The following CELA1 variants were observed in gnomAD, a reference collection of about 807,000 sequenced individuals.
CELA1 encodes the protein chymotrypsin-like elastase family member 1.
A neutral mutation model predicts 34.8 loss-of-function variants in CELA1; 28 were observed. The ratio of observed to expected loss-of-function variants is 0.80; its 90% CI spans 0.60 to 1.10. The LOEUF is 1.10. Among genes scored for constraint, CELA1 ranks in the 50% least tolerant of loss-of-function variants. CELA1 has a pLI of 0.00. For missense variants in CELA1, 288 were observed against 327.5 expected, an observed-to-expected ratio of 0.88 and a Z score of 0.93; for synonymous variants, 140 against 129.8, an observed-to-expected ratio of 1.08 and a Z score of -0.53.
chr12:51,343,102 T>A (rs1242870390), intron 3 of CELA1, among the ~76,000 whole-genome samples: 3 of 152,212 alleles, frequency 2.0e-5, no homozygotes, highest in Non-Finnish European at 4.4e-5. Context: ...TTTCTCGGTT[T>A]AACATCATAG....
chr12:51,338,255 TAC>T (rs758082342), intron 6 of CELA1, among the ~76,000 whole-genome samples: 1,762 of 116,842 alleles, frequency 0.015, 48 homozygotes, highest in African/African-American at 0.054. Context: ...AAAAAAAACA[TAC>T]ACACACACAC....
intron 6 of CELA1, among the ~76,000 whole-genome samples, chr12:51,334,416 C>T (rs892587489): frequency 2.0e-5 from 3 of 152,112 alleles, no homozygotes; most frequent in Admixed American, 1.3e-4. Flanking sequence ...TGTACTCATA[C>T]ACACAAAAAA....
intron 6 of CELA1, among the ~76,000 whole-genome samples, chr12:51,335,344 C>T (rs1376165680): frequency 1.3e-5 from 2 of 150,644 alleles, no homozygotes; most frequent in Non-Finnish European, 3.0e-5. Context: ...GCAACCTCTG[C>T]CTCCTAGGTT....
At chr12:51,335,580 C>T (rs1946495897) in intron 6 of CELA1, among the ~76,000 whole-genome samples, 1 of 151,780 alleles carries the variant, frequency 6.6e-6, no homozygotes, top group African/African-American at 2.4e-5. Context: ...AAGATCCACT[C>T]CCTCCATGAC....
Position 51,342,605 on chromosome 12 carries a change from G to A in CELA1, c.296C>T (p.Pro99Leu). ...YVSVQKIVVHPYWNSDNVAAG... is the reference protein window; with the variant it reads ...YVSVQKIVVHLYWNSDNVAAG... ...AGCCACGTTATCGCTGTTCCAGTAT[G>A]GATGCACCACGATCTTCTGCACACT... The change falls in exon 4 of 8, where the codon CCA becomes CTA. Residue 99 changes from proline (P) to leucine (L), a missense_variant. By Grantham distance (98) the Pro-to-Leu change is moderately conservative (BLOSUM62 -3). Coordinates refer to ENST00000293636, the MANE Select transcript of CELA1 (RefSeq NM_001971.6). 1 of 1,614,148 alleles carries A rather than the reference G, an allele frequency of 6.2e-7. No individual in the cohort carries two copies. Among genetic ancestry groups the A allele is most frequent in the Non-Finnish European group, 8.5e-7 (1 of 1,180,012 alleles).
chr12:51,345,462 C>T (rs754962051), intron 2 of CELA1, among the ~76,000 whole-genome samples: 6 of 152,258 alleles, frequency 3.9e-5, no homozygotes, highest in South Asian at 2.1e-4. Context: ...GAGTGGTGTG[C>T]GTGTGAGTTT....
intron 2 of CELA1, among the ~76,000 whole-genome samples, chr12:51,344,297 G>A (rs1213751309): frequency 6.6e-6 from 1 of 152,188 alleles, no homozygotes; most frequent in Non-Finnish European, 1.5e-5. Flanking sequence ...AGGAGTAAAG[G>A]CACACAGTGT....
In CELA1 at chr12:51,342,709, A is replaced by G; in HGVS notation, c.201-9T>C. 6.2e-7 allele frequency: 1 copy of G among 1,614,024 alleles called. No homozygotes were observed. The highest frequency in any genetic ancestry group is 8.5e-7 in the Non-Finnish European group (1 of 1,179,924). ...CGCGGAAAGTCTTCTGGCTGGCGTG[A>G]GAGAAGGAATCCCTGAGTCATCCAG... On this transcript the variant is annotated splice_polypyrimidine_tract_variant and intron_variant, in intron 3 of 7. Transcript: ENST00000293636.
chr12:51,345,231 A>G (rs999248920), intron 2 of CELA1, among the ~76,000 whole-genome samples: 1 of 152,204 alleles, frequency 6.6e-6, no homozygotes, highest in African/African-American at 2.4e-5. Context: ...TGGGGCTCAG[A>G]CTTTTATAAG....
chr12:51,337,754 C>CA (rs1291653646), intron 6 of CELA1, among the ~76,000 whole-genome samples: 4 of 148,964 alleles, frequency 2.7e-5, no homozygotes, highest in African/African-American at 9.9e-5. Context: ...ACAAAAAATA[C>CA]AAAAAATTAG....
At chr12:51,333,409 T>TG (rs1424030304) in intron 6 of CELA1, among the ~76,000 whole-genome samples, 3 of 149,632 alleles carry the variant, frequency 2.0e-5, no homozygotes, top group Non-Finnish European at 4.5e-5. Context: ...TTTTTTGTTT[T>TG]TTTTTTTTTA....
intron 7 of CELA1, 81 bp downstream of exon 7, chr12:51,329,603 A>C: frequency 7.1e-7 from 1 of 1,415,416 alleles, no homozygotes; most frequent in Non-Finnish European, 9.5e-7. Flanking sequence ...TGCCCAGTCC[A>C]TCCAACGTTT....
At position 51,341,271 on chromosome 12, in the gene CELA1, A is replaced by G. The variant is rs750922733; in HGVS notation, c.436T>C (p.Tyr146His). The change falls in exon 5 of 8, where the codon TAC becomes CAC. Residue 146 changes from tyrosine (Y) to histidine (H), a missense_variant. Transcript: ENST00000293636. ...GAILANNSPC[Y>H]ITGWGKTKTN... ...TTGGTCTTGCCCCAGCCTGTGATGT[A>G]GCAGGGACTGTTGTTAGCCAGGATG... 7.4e-6 allele frequency: 12 copies of G among 1,614,138 alleles called. No homozygotes were observed. The South Asian group carries it at 1.3e-4, about 18-fold the overall frequency.
chr12:51,345,626 T>C (rs928889811), intron 2 of CELA1, among the ~76,000 whole-genome samples, 169 bp downstream of exon 2: 3 of 152,196 alleles, frequency 2.0e-5, no homozygotes, highest in Non-Finnish European at 2.9e-5. Flanking sequence ...CCAAGCCTTT[T>C]GCATTTAGAA....
At chr12:51,331,491 T>G (rs187080160) in intron 6 of CELA1, among the ~76,000 whole-genome samples, 158 of 152,264 alleles carry the variant, frequency 1.0e-3, no homozygotes, top group South Asian at 1.9e-3. Flanking sequence ...CTTTGGAAAT[T>G]ACAGATTTGA....
intron 5 of CELA1, among the ~76,000 whole-genome samples, chr12:51,340,879 T>C (rs746732159): frequency 6.6e-6 from 1 of 152,114 alleles, no homozygotes; most frequent in Non-Finnish European, 1.5e-5. Context: ...TGGTGGTACA[T>C]GCCTATAGTC....
chr12:51,330,649 C>G (rs1946463839), intron 6 of CELA1, among the ~76,000 whole-genome samples: 1 of 152,322 alleles, frequency 6.6e-6, no homozygotes, highest in South Asian at 2.1e-4. Flanking sequence ...GAAATAAAAG[C>G]AGATGGTTAA....
intron 6 of CELA1, among the ~76,000 whole-genome samples, chr12:51,334,558 C>T (rs908965818): frequency 3.9e-5 from 6 of 152,156 alleles, no homozygotes; most frequent in Admixed American, 2.0e-4. Context: ...CTCAGCCTCC[C>T]GAGTAGCTGG....
At position 51,328,535 on chromosome 12, in the gene CELA1, C is replaced by G; in HGVS notation, c.*42G>C. The stretch of plus-strand genomic sequence containing the variant: ...TTTGATCGCAAGTCCTACTGCAGAT[C>G]TAAGAACCATTTTGGGAAGGTCGTT... On this transcript the variant is annotated 3_prime_UTR_variant, in exon 8 of 8. Transcript: ENST00000293636. 2 of 1,611,854 alleles carry G rather than the reference C, an allele frequency of 1.2e-6. No homozygotes were observed. The highest frequency in any genetic ancestry group is 1.7e-6 in the Non-Finnish European group (2 of 1,177,938).
Sources: allele counts gnomAD v4.1 joint callset (sites outside exome capture counted in the v4.1 genomes callset), GRCh38; gene constraint gnomAD v4.1.1; transcripts MANE v1.5; gene names NCBI Gene and HGNC (gene_info 2026-07-23, HGNC 2026-07-21).